The following RORA variants were observed in gnomAD, a reference collection of about 807,000 sequenced individuals.
RORA encodes RAR related orphan receptor A, also known as nuclear receptor ROR-alpha.
Under a neutral mutation model 69.5 loss-of-function variants are expected in RORA, and 7 were observed. The observed-to-expected ratio is 0.10, with a 90% CI of 0.06 to 0.19. The LOEUF (loss-of-function observed/expected upper bound fraction) is 0.19, where lower values mean the gene tolerates loss of function less well. Among genes scored for constraint, RORA ranks in the 10% least tolerant of loss-of-function variants. The probability of loss-of-function intolerance (pLI) is 1.00; values close to 1 mark genes in which losing one functional copy is unlikely to be tolerated. For missense variants in RORA, 457 were observed against 663.0 expected (o/e 0.69, Z 3.41); for synonymous variants, 261 against 240.8 (o/e 1.08, Z -0.78).
intron 2 of RORA, among the ~76,000 whole-genome samples, chr15:60,597,564 A>ATATG (rs1221172834): frequency 3.1e-5 from 1 of 32,466 alleles, no homozygotes; most frequent in Admixed American, 4.2e-4. Context: ...ATATATATAT[A>ATATG]TATATATATA....
At chr15:60,745,673 C>T (rs572923632) in intron 1 of RORA, among the ~76,000 whole-genome samples, 4 of 152,324 alleles carry the variant, frequency 2.6e-5, no homozygotes, top group South Asian at 4.1e-4. Context: ...TGTGTCTAAA[C>T]CTCTTGAGCG....
chr15:60,666,268 A>G (rs890442898), intron 2 of RORA, among the ~76,000 whole-genome samples: 1 of 151,598 alleles, frequency 6.6e-6, no homozygotes, highest in Non-Finnish European at 1.5e-5. Context: ...CCTGGGCTCA[A>G]GCAATCCTCC....
rs1596076654 is a variant in RORA, at chr15:61,213,304, C to T, written c.166+15749G>A. On this transcript the variant is annotated intron_variant, in intron 1 of 10. Coordinates refer to ENST00000335670, the MANE Select transcript of RORA (RefSeq NM_134261.3). This position sits in a 1 kb window ranked among gnomAD's most constrained non-coding sequence, Gnocchi z 4.1. ...CCCAGTCTTGGCCTTCAATATCAGT[C>T]ACCAGAATTATTACAGAATCTCCTA... 6.6e-6 allele frequency among the ~76,000 whole-genome samples: 1 copy of T among 152,214 alleles called. No homozygotes were observed. The highest frequency in any genetic ancestry group is 2.4e-5 in the African/African-American group (1 of 41,456).
chr15:60,976,560 C>T (rs1254412324), intron 1 of RORA, among the ~76,000 whole-genome samples: 5 of 152,136 alleles, frequency 3.3e-5, no homozygotes, highest in African/African-American at 4.8e-5. Context: ...GATCAGACCA[C>T]GTGGATTTTC....
intron 1 of RORA, among the ~76,000 whole-genome samples, chr15:60,939,061 G>C (rs536510897): frequency 6.6e-6 from 1 of 152,264 alleles, no homozygotes; most frequent in African/African-American, 2.4e-5. Context: ...AACTTGCTAC[G>C]TCCTGTAGCC....
intron 1 of RORA, among the ~76,000 whole-genome samples, chr15:60,702,195 A>G (rs920796316): frequency 1.3e-5 from 2 of 151,664 alleles, no homozygotes; most frequent in African/African-American, 4.9e-5. Context: ...TAATGATGGT[A>G]CTCTTCTCAT....
In RORA at chr15:60,531,859, A is replaced by G. The variant is rs1383619969; in HGVS notation, c.197-8T>C. ...GAATAATTTCAATTTGAGCTGCAAC[A>G]GAAGCACGCAACCAGTTAATTACAT... On this transcript the variant is annotated splice_polypyrimidine_tract_variant and splice_region_variant and intron_variant, in intron 2 of 10. Transcript: ENST00000335670. The surrounding 1 kb of genome is among the most constrained non-coding windows in gnomAD (Gnocchi z 4.8). 4 of 1,557,304 alleles carry G rather than the reference A, an allele frequency of 2.6e-6. No homozygotes were observed. The South Asian group carries it at 4.7e-5, about 18-fold the overall frequency.
chr15:61,133,883 T>C (rs973368354), intron 1 of RORA, among the ~76,000 whole-genome samples: 1 of 152,206 alleles, frequency 6.6e-6, no homozygotes, highest in Non-Finnish European at 1.5e-5. Context: ...TCTTTAACTG[T>C]AGCAAAATAC....
At chr15:60,789,421 A>C (rs2140346610) in intron 1 of RORA, among the ~76,000 whole-genome samples, 1 of 152,352 alleles carries the variant, frequency 6.6e-6, no homozygotes, top group Non-Finnish European at 1.5e-5. Flanking sequence ...CTTCTATTCC[A>C]TGGCCAAACT....
intron 1 of RORA, among the ~76,000 whole-genome samples, chr15:60,817,969 T>C (rs1223472503): frequency 6.6e-6 from 1 of 152,212 alleles, no homozygotes; most frequent in East Asian, 1.9e-4. Context: ...GCCCTGATTT[T>C]AATGCTAATC....
intron 2 of RORA, among the ~76,000 whole-genome samples, chr15:60,658,410 A>C (rs930444852): frequency 1.3e-5 from 2 of 152,172 alleles, no homozygotes; most frequent in Admixed American, 6.5e-5. Flanking sequence ...AGGGAGATCA[A>C]GGGGATTCCT....
chr15:61,098,621 G>A (rs2078833142), intron 1 of RORA, among the ~76,000 whole-genome samples: 1 of 152,158 alleles, frequency 6.6e-6, no homozygotes, highest in Non-Finnish European at 1.5e-5. Flanking sequence ...AGGGTTAAAG[G>A]TGTGCACACC....
At chr15:61,084,024 G>C (rs911420113) in intron 1 of RORA, among the ~76,000 whole-genome samples, 2 of 152,116 alleles carry the variant, frequency 1.3e-5, no homozygotes, top group Non-Finnish European at 2.9e-5. Context: ...GGTTGGTAAG[G>C]GACTTCCTAC....
At chr15:60,995,291 G>C (rs762291632) in intron 1 of RORA, among the ~76,000 whole-genome samples, 2 of 152,132 alleles carry the variant, frequency 1.3e-5, no homozygotes, top group South Asian at 2.1e-4. Context: ...TTAGCACTCC[G>C]GGTACAGAGG....
intron 1 of RORA, among the ~76,000 whole-genome samples, chr15:61,101,197 C>A (rs1282012860): frequency 6.6e-6 from 1 of 152,204 alleles, no homozygotes; most frequent in Non-Finnish European, 1.5e-5. Context: ...ATACGGAAGA[C>A]ATCCAGATGA....
At chr15:61,110,352 AC>A (rs11343940) in intron 1 of RORA, among the ~76,000 whole-genome samples, 20,181 of 151,202 alleles carry the variant, frequency 0.13, 1,436 homozygotes, top group South Asian at 0.21. Context: ...CTGAGATCAC[AC>A]CTCTATACTC....
In RORA at chr15:60,658,149, C is replaced by T. The variant is rs916982147; in HGVS notation, c.196+20508G>A. 7.9e-5 allele frequency among the ~76,000 whole-genome samples: 12 copies of T among 151,820 alleles called. No individual in the cohort carries two copies. In the South Asian group the frequency reaches 1.7e-3, roughly 21 times the overall value. ...AGGCTGGAGTGCAGTGGCGTGATCT[C>T]GGATCACTGCAGCCTCTGCCTCCTG... On this transcript the variant is annotated intron_variant, in intron 2 of 10. Coordinates refer to ENST00000335670, the MANE Select transcript of RORA (RefSeq NM_134261.3).
At chr15:60,597,597 C>CATATATATATATATATATATATACATAT (rs1213736725) in intron 2 of RORA, among the ~76,000 whole-genome samples, 1 of 31,346 alleles carries the variant, frequency 3.2e-5, no homozygotes, top group African/African-American at 1.2e-4. Context: ...TATATATACA[C>CATATATATATATATATATATATACATAT]ATATATATAT....
At chr15:60,563,087 C>T (rs1212490826) in intron 2 of RORA, among the ~76,000 whole-genome samples, 2 of 152,098 alleles carry the variant, frequency 1.3e-5, no homozygotes, top group East Asian at 3.8e-4. Flanking sequence ...AAGGCGGACA[C>T]GTATAAGTTG....
Sources: allele counts gnomAD v4.1 joint callset (sites outside exome capture counted in the v4.1 genomes callset), GRCh38; gene constraint gnomAD v4.1.1; non-coding constraint Gnocchi (gnomAD v3.1); transcripts MANE v1.5; gene names NCBI Gene and HGNC (gene_info 2026-07-23, HGNC 2026-07-21).